USH2A: variants seen among roughly 807,000 people sequenced by gnomAD.
The protein encoded by USH2A is usherin, also known as Usher syndrome 2A (autosomal recessive, mild).
Under a neutral mutation model 538.9 loss-of-function variants are expected in USH2A, and 443 were observed. The observed-to-expected ratio is 0.82, with a 90% confidence interval of 0.76 to 0.89. The LOEUF (loss-of-function observed/expected upper bound fraction) is 0.89, where lower values mean the gene tolerates loss of function less well. USH2A is among the 40% of genes least tolerant of loss of function. The pLI, the probability that USH2A is intolerant of heterozygous loss-of-function variation, is 0.00. For missense variants in USH2A, 6,633 were observed against 6,324.8 expected (o/e 1.05, Z -1.65); for synonymous variants, 2,413 against 2,273.5 (o/e 1.06, Z -1.75).
chr1:215,718,540 C>A (rs185436959), intron 61 of USH2A, among the ~76,000 whole-genome samples: 2 of 152,286 alleles, frequency 1.3e-5, no homozygotes, highest in East Asian at 3.9e-4. Flanking sequence ...TCACAGCTAA[C>A]CTCTTGCTCT....
In USH2A at chr1:215,675,367, T is replaced by A; in HGVS notation, c.12544A>T (p.Asn4182Tyr). The A allele has an allele frequency of 6.2e-7, 1 of 1,614,084 alleles. No individual in the cohort carries two copies. Among genetic ancestry groups the A allele is most frequent in the Non-Finnish European group, 8.5e-7 (1 of 1,180,020 alleles). Residue 4182 changes from asparagine (N) to tyrosine (Y), a missense_variant, in exon 63 of 72, where the codon AAT (asparagine) becomes TAT (tyrosine). Asn to Tyr is a moderately radical substitution (Grantham distance 143, BLOSUM62 -2). Coordinates refer to ENST00000307340, the MANE Select transcript of USH2A (RefSeq NM_206933.4). ...ACTTCATAGCGAATTATTTTTCCATTTGGGTTAACAGGCTCAGACCAGCTC... is the reference window on the plus strand; with the variant it reads ...ACTTCATAGCGAATTATTTTTCCATATGGGTTAACAGGCTCAGACCAGCTC... ...ELSWSEPVNP[N>Y]GKIIRYEVIR...
At chr1:215,813,705 G>A in intron 49 of USH2A, 31 bp downstream of exon 49, 1 of 1,613,458 alleles carries the variant, frequency 6.2e-7, no homozygotes, top group Non-Finnish European at 8.5e-7. Flanking sequence ...GGTTCCCATA[G>A]TTTTTGAGTA....
chr1:216,072,284 A>G (rs1243907123), intron 29 of USH2A, among the ~76,000 whole-genome samples: 1 of 152,180 alleles, frequency 6.6e-6, no homozygotes, highest in Admixed American at 6.6e-5. Context: ...AGAAGTACAA[A>G]ACAAGTCAGT....
intron 27 of USH2A, 58 bp from the exon 28 acceptor site, chr1:216,073,358 C>G: frequency 6.4e-7 from 1 of 1,566,138 alleles, no homozygotes; most frequent in Non-Finnish European, 8.7e-7. Context: ...AATTACCAAT[C>G]ATTTTTGTCC....
chr1:216,325,241 A>G (rs1208400768), intron 6 of USH2A, 64 bp downstream of exon 6: 2 of 1,546,230 alleles, frequency 1.3e-6, no homozygotes, highest in African/African-American at 2.7e-5. Flanking sequence ...TAAGACATGA[A>G]GTTTGTGGGC....
At chr1:216,190,124 A>G in intron 20 of USH2A, 99 bp downstream of exon 20, 2 of 1,514,956 alleles carry the variant, frequency 1.3e-6, no homozygotes, top group South Asian at 1.2e-5. Context: ...GAGGGAGGAG[A>G]AGACAAATAT....
At chr1:215,842,076 C>A (rs950408287) in intron 46 of USH2A, among the ~76,000 whole-genome samples, 3 of 152,126 alleles carry the variant, frequency 2.0e-5, no homozygotes, top group African/African-American at 7.2e-5. Flanking sequence ...GTAATCCCAG[C>A]ACTGTGGGAA....
chr1:216,395,434 GA>G lies in USH2A; in HGVS notation c.651+23079del, dbSNP rs1257169270. ...TCAGAATTCTTATTAGCTACCCTTA[GA>G]AATTGCATAAGCCATTTTAGAATTT... On this transcript the variant is annotated intron_variant, in intron 3 of 71. Coordinates refer to ENST00000307340, the MANE Select transcript of USH2A (RefSeq NM_206933.4). Among the ~76,000 whole-genome samples the G allele has an allele frequency of 3.9e-5, 6 of 152,148 alleles. No homozygotes were observed. In the East Asian group the frequency reaches 1.2e-3, roughly 29 times the overall value.
intron 15 of USH2A, among the ~76,000 whole-genome samples, chr1:216,216,729 T>C (rs1269270578): frequency 6.6e-6 from 1 of 152,110 alleles, no homozygotes; most frequent in African/African-American, 2.4e-5. Context: ...TTCAAGGTAC[T>C]GAAAAGCGAT....
intron 35 of USH2A, among the ~76,000 whole-genome samples, chr1:215,984,746 A>G (rs532538329): frequency 1.3e-5 from 2 of 152,342 alleles, no homozygotes; most frequent in Admixed American, 1.3e-4. Context: ...AGTGTGTCAT[A>G]AAAATAACAT....
At position 215,998,924 on chromosome 1, in the gene USH2A, T is replaced by C. The variant is rs758845403; in HGVS notation, c.6620A>G (p.Tyr2207Cys). Residue 2207 changes from tyrosine to cysteine, a missense_variant, in exon 34 of 72, where the codon TAC becomes TGC. Tyr to Cys is a radical substitution (Grantham distance 194). Coordinates refer to ENST00000307340, the MANE Select transcript of USH2A (RefSeq NM_206933.4). The stretch of plus-strand genomic sequence containing the variant: ...GAGATATTTATTACCAGGTAAAACG[T>C]ATTGTAGCATATGATCCTGGAAAAG... The part of the protein sequence containing the change: ...TELFQDHMLQ[Y>C]VLPGNKYLIK... 14 of 1,613,240 alleles carry C rather than the reference T, an allele frequency of 8.7e-6. No individual in the cohort carries two copies. The highest frequency in any genetic ancestry group is 1.2e-5 in the Non-Finnish European group (14 of 1,179,524).
At chr1:215,771,606 A>AAAAAAAAAAAAAAAAAAAT (rs1661290495) in intron 55 of USH2A, among the ~76,000 whole-genome samples, 1 of 139,330 alleles carries the variant, frequency 7.2e-6, no homozygotes, top group Non-Finnish European at 1.6e-5. Flanking sequence ...AAAAAAAAAA[A>AAAAAAAAAAAAAAAAAAAT]AAAAAAAAAA....
chr1:215,988,191 C>T (rs989813602), intron 35 of USH2A, among the ~76,000 whole-genome samples: 1 of 151,480 alleles, frequency 6.6e-6, no homozygotes, highest in Admixed American at 6.6e-5. Flanking sequence ...TCCATTTCCC[C>T]CTTCCACCCA....
At chr1:216,038,053 T>C (rs2030077462) in intron 32 of USH2A, among the ~76,000 whole-genome samples, 1 of 152,076 alleles carries the variant, frequency 6.6e-6, no homozygotes, top group East Asian at 1.9e-4. Flanking sequence ...GGTTGTTAAT[T>C]GTTTGTCTTC....
intron 4 of USH2A, among the ~76,000 whole-genome samples, chr1:216,340,907 T>C (rs2038064704): frequency 6.6e-6 from 1 of 152,148 alleles, no homozygotes; most frequent in South Asian, 2.1e-4. Context: ...GGGCAAAAGC[T>C]GGAAGCATTC....
intron 4 of USH2A, among the ~76,000 whole-genome samples, chr1:216,359,973 A>G (rs1243741093): frequency 8.5e-5 from 13 of 152,128 alleles, no homozygotes; most frequent in Admixed American, 5.2e-4. Context: ...ATAGGAATGT[A>G]AAACGATATA....
rs1328489156 is a variant in USH2A, at chr1:215,648,541, C to T, written c.14569G>A (p.Gly4857Ser). The T allele has an allele frequency of 6.2e-7, 1 of 1,614,132 alleles. No individual in the cohort carries two copies. The highest frequency in any genetic ancestry group is 8.5e-7 in the Non-Finnish European group (1 of 1,180,024). ...CTGACCCATTACCTGTGAATGACACCATTGGGGAACATGGGGGGACTCCAC... is the reference window on the plus strand; with the variant it reads ...CTGACCCATTACCTGTGAATGACACTATTGGGGAACATGGGGGGACTCCAC... Reference protein sequence around the residue: ...FRWSPPMFPNGVIHSYELQFH... With the variant: ...FRWSPPMFPNSVIHSYELQFH... The change falls in exon 66 of 72, where the codon GGT (glycine) becomes AGT (serine). Residue 4857 changes from glycine to serine, a missense_variant. Transcript: ENST00000307340.
At chr1:215,992,587 C>T (rs190062399) in intron 35 of USH2A, among the ~76,000 whole-genome samples, 2 of 152,210 alleles carry the variant, frequency 1.3e-5, no homozygotes, top group Admixed American at 1.3e-4. Flanking sequence ...TTCCAAGTGG[C>T]CTCTTTTAAG....
At chr1:216,293,710 G>T (rs911980943) in intron 9 of USH2A, among the ~76,000 whole-genome samples, 1 of 152,066 alleles carries the variant, frequency 6.6e-6, no homozygotes, top group African/African-American at 2.4e-5. Flanking sequence ...TGTCACTCGG[G>T]TTTATCACTC....
Sources: gnomAD v4.1 joint callset for allele counts (sites outside exome capture counted in the v4.1 genomes callset) on GRCh38, gnomAD v4.1.1 for gene constraint, MANE v1.5 for transcripts, NCBI Gene and HGNC (gene_info 2026-07-23, HGNC 2026-07-21) for gene names.